KIF2A: variants seen among roughly 807,000 people sequenced by gnomAD.
The protein encoded by KIF2A is kinesin-like protein KIF2A.
KIF2A carries 22 observed loss-of-function variants against 100.2 expected under a neutral mutation model. The observed-to-expected ratio is 0.22, with a 90% CI of 0.16 to 0.31. KIF2A has a LOEUF of 0.31. KIF2A is among the 10% of genes least tolerant of loss of function. KIF2A has a pLI of 1.00. For missense variants in KIF2A, 495 were observed against 898.7 expected (o/e 0.55, Z 5.74); for synonymous variants, 268 against 285.9 (o/e 0.94, Z 0.63).
chr5:62,380,885 C>T (rs775092448), intron 19 of KIF2A, among the ~76,000 whole-genome samples: 1 of 152,036 alleles, frequency 6.6e-6, no homozygotes, highest in African/African-American at 2.4e-5. Flanking sequence ...GCATACTCAG[C>T]GTAACTTACA....
intron 1 of KIF2A, among the ~76,000 whole-genome samples, chr5:62,330,919 A>T (rs1258465176): frequency 6.6e-6 from 1 of 152,152 alleles, no homozygotes; most frequent in African/African-American, 2.4e-5. Context: ...CAAATTTTTA[A>T]ATTATATTTT....
chr5:62,325,114 GCTTTTCTTTT>G lies in KIF2A; in HGVS notation c.64+18594_64+18603del, dbSNP rs200212876. Among the ~76,000 whole-genome samples the G allele has an allele frequency of 2.6e-5, 4 of 151,844 alleles. No homozygotes were observed. The East Asian group carries it at 5.8e-4, about 22-fold the overall frequency. On this transcript the variant is annotated intron_variant, in intron 1 of 20. Coordinates refer to ENST00000407818, the MANE Select transcript of KIF2A (RefSeq NM_001098511.3). ...TCTTTCCTTTCCTTACTGTTGTAAA[GCTTTTCTTTT>G]CTTTTCTTTTCTTTTTTTGAGACAG...
chr5:62,307,428 GA>G (rs2111754888), intron 1 of KIF2A, among the ~76,000 whole-genome samples: 1 of 152,206 alleles, frequency 6.6e-6, no homozygotes, highest in African/African-American at 2.4e-5. Flanking sequence ...TTCTCTTGGG[GA>G]AAATGGTTTA....
intron 2 of KIF2A, among the ~76,000 whole-genome samples, chr5:62,347,749 G>C (rs1448668229): frequency 6.6e-6 from 1 of 151,836 alleles, no homozygotes; most frequent in Non-Finnish European, 1.5e-5. Flanking sequence ...CCTGTCTCCA[G>C]AGTAGCTGGG....
chr5:62,339,944 T>TC (rs2111881816), intron 1 of KIF2A, among the ~76,000 whole-genome samples: 1 of 151,248 alleles, frequency 6.6e-6, no homozygotes, highest in East Asian at 1.9e-4. Flanking sequence ...GTACTTTTTT[T>TC]TTTTTTTTTT....
At chr5:62,350,156 G>T in intron 4 of KIF2A, 36 bp downstream of exon 4, 2 of 1,226,158 alleles carry the variant, frequency 1.6e-6, no homozygotes, top group South Asian at 2.8e-5. Flanking sequence ...TTTGGCTATT[G>T]ACTTCTTAGT....
intron 1 of KIF2A, among the ~76,000 whole-genome samples, chr5:62,342,212 G>A (rs1235539967): frequency 2.6e-5 from 4 of 152,200 alleles, no homozygotes; most frequent in Non-Finnish European, 5.9e-5. Context: ...CCAGGTCTTA[G>A]CCTCACTACT....
At chr5:62,376,609 C>T (rs754617132) in intron 18 of KIF2A, among the ~76,000 whole-genome samples, 1 of 151,644 alleles carries the variant, frequency 6.6e-6, no homozygotes, top group Non-Finnish European at 1.5e-5. Flanking sequence ...TTAGTAGAGA[C>T]GGGGTTTCAC....
chr5:62,320,706 T>C (rs1746053672), intron 1 of KIF2A, among the ~76,000 whole-genome samples: 1 of 152,200 alleles, frequency 6.6e-6, no homozygotes, highest in African/African-American at 2.4e-5. Flanking sequence ...GAGTATATCC[T>C]ATATTATGTC....
At chr5:62,315,809 T>C (rs1745792013) in intron 1 of KIF2A, among the ~76,000 whole-genome samples, 1 of 152,164 alleles carries the variant, frequency 6.6e-6, no homozygotes, top group Admixed American at 6.5e-5. Flanking sequence ...GGGAGCATAG[T>C]ACTGAAAATG....
chr5:62,333,679 C>G (rs1746769650), intron 1 of KIF2A, among the ~76,000 whole-genome samples: 1 of 152,308 alleles, frequency 6.6e-6, no homozygotes, highest in African/African-American at 2.4e-5. Context: ...ACTGACAGCT[C>G]TCCCTATAGT....
chr5:62,361,587 C>A, intron 11 of KIF2A, 58 bp downstream of exon 11: 1 of 965,374 alleles, frequency 1.0e-6, no homozygotes, highest in African/African-American at 1.6e-5. Context: ...ATTCAGGTAA[C>A]TTTGAAATAA....
At chr5:62,329,536 T>G (rs924213306) in intron 1 of KIF2A, among the ~76,000 whole-genome samples, 3 of 152,240 alleles carry the variant, frequency 2.0e-5, no homozygotes, top group African/African-American at 7.2e-5. Context: ...CAGTGGCACC[T>G]AGGAATAAAT....
At chr5:62,356,604 T>C (rs1050042595) in intron 7 of KIF2A, among the ~76,000 whole-genome samples, 2 of 152,196 alleles carry the variant, frequency 1.3e-5, no homozygotes, top group South Asian at 4.1e-4. Context: ...TGCATAAGAA[T>C]TGGCATATTT....
intron 1 of KIF2A, among the ~76,000 whole-genome samples, chr5:62,325,197 T>C (rs1317863369): frequency 6.6e-6 from 1 of 152,090 alleles, no homozygotes; most frequent in African/African-American, 2.4e-5. Flanking sequence ...TGATCTCGGC[T>C]CACTGAAACC....
intron 9 of KIF2A, among the ~76,000 whole-genome samples, chr5:62,359,641 A>T (rs905295889): frequency 7.9e-5 from 12 of 152,120 alleles, no homozygotes; most frequent in African/African-American, 2.9e-4. Context: ...TTTGACTTTT[A>T]TAATAGTTTT....
intron 7 of KIF2A, among the ~76,000 whole-genome samples, chr5:62,355,949 T>C (rs1196303720): frequency 1.1e-5 from 1 of 89,040 alleles, no homozygotes; most frequent in African/African-American, 4.0e-5. Context: ...GCCCGGCTAA[T>C]TTTTGTATTT....
In KIF2A at chr5:62,357,854, G is replaced by A. The variant is rs1748193000; in HGVS notation, c.709+109G>A. The A allele has an allele frequency of 2.1e-5, 16 of 745,982 alleles. No homozygotes were observed. The East Asian group carries it at 4.5e-4, about 21-fold the overall frequency. 46.2% of individuals were successfully genotyped at this position (745,982 alleles called of 1,614,324 possible). A position where few individuals can be genotyped will look rare whatever the true frequency, so the allele number is the denominator to read the frequency against. On this transcript the variant is annotated intron_variant, in intron 8 of 20. Coordinates refer to ENST00000407818, the MANE Select transcript of KIF2A (RefSeq NM_001098511.3). ...GGAAAAAATGTAAATCATTTCCTTT[G>A]ATTTGTATGTAACCATTATGCAGAT...
intron 7 of KIF2A, among the ~76,000 whole-genome samples, chr5:62,355,532 G>A (rs1185568514): frequency 6.6e-6 from 1 of 152,172 alleles, no homozygotes; most frequent in East Asian, 1.9e-4. Flanking sequence ...AGGAGTGATA[G>A]CAGAAGACTC....
Sources: gnomAD v4.1 joint callset for allele counts (sites outside exome capture counted in the v4.1 genomes callset) on GRCh38, gnomAD v4.1.1 for gene constraint, MANE v1.5 for transcripts, NCBI Gene and HGNC (gene_info 2026-07-23, HGNC 2026-07-21) for gene names.